The following LRPPRC variants were observed in gnomAD, a reference collection of about 807,000 sequenced individuals.
The protein encoded by LRPPRC is leucine-rich PPR motif-containing protein, mitochondrial.
LRPPRC carries 120 observed loss-of-function variants against 180.3 expected under a neutral mutation model. That is an observed-to-expected ratio of 0.67 (90% CI 0.57 to 0.77). LRPPRC has a LOEUF of 0.77. Among genes scored for constraint, LRPPRC ranks in the 30% least tolerant of loss-of-function variants. LRPPRC has a pLI of 0.00. For missense variants in LRPPRC, 2,012 were observed against 1,657.2 expected, an observed-to-expected ratio of 1.21 and a Z score of -3.72; for synonymous variants, 723 against 600.0, an observed-to-expected ratio of 1.21 and a Z score of -3.00.
At chr2:43,909,413 G>A (rs1671177814) in intron 30 of LRPPRC, among the ~76,000 whole-genome samples, 1 of 152,082 alleles carries the variant, frequency 6.6e-6, no homozygotes, top group South Asian at 2.1e-4. Flanking sequence ...CAGAAGCAGA[G>A]TATGATGGTA....
At chr2:43,983,232 A>G (rs1049102573) in intron 1 of LRPPRC, among the ~76,000 whole-genome samples, 13 of 152,180 alleles carry the variant, frequency 8.5e-5, no homozygotes, top group African/African-American at 2.4e-4. Flanking sequence ...CTATTTTAGT[A>G]ATGGAGTCTA....
At position 43,888,227 on chromosome 2, in the gene LRPPRC, C is replaced by A; in HGVS notation, c.*373G>T. 1 of 266,114 alleles carries A rather than the reference C, an allele frequency of 3.8e-6. No individual in the cohort carries two copies. Among genetic ancestry groups the A allele is most frequent in the Non-Finnish European group, 7.3e-6 (1 of 137,330 alleles). The allele number at this position is 266,114 out of a possible 1,614,324, so 16.5% of individuals were successfully genotyped here. A position where few individuals can be genotyped will look rare whatever the true frequency, so the allele number is the denominator to read the frequency against. Reference sequence around the variant, plus strand: ...GTTAGAAAGTTCACGGTCACTATACCTAGCTCTAAAATTTTTCAGAGAAAC... The same window carrying A: ...GTTAGAAAGTTCACGGTCACTATACATAGCTCTAAAATTTTTCAGAGAAAC... On this transcript the variant is annotated 3_prime_UTR_variant, in exon 38 of 38. Transcript: ENST00000260665.
chr2:43,983,042 CA>C (rs1674381180), intron 1 of LRPPRC, among the ~76,000 whole-genome samples: 1 of 151,752 alleles, frequency 6.6e-6, no homozygotes, highest in Non-Finnish European at 1.5e-5. Context: ...GTGCAACTGT[CA>C]AAATGTTAGC....
intron 29 of LRPPRC, among the ~76,000 whole-genome samples, chr2:43,915,886 C>T (rs1671450125): frequency 6.6e-6 from 1 of 152,144 alleles, no homozygotes; most frequent in South Asian, 2.1e-4. Flanking sequence ...TCACCTCAAC[C>T]TCCTGAGTAG....
chr2:43,989,760 T>C (rs1021121474), intron 1 of LRPPRC, among the ~76,000 whole-genome samples: 4 of 152,190 alleles, frequency 2.6e-5, no homozygotes, highest in Admixed American at 6.5e-5. Flanking sequence ...TGTTGCAACA[T>C]ATGTAAAACA....
chr2:43,901,502 T>C lies in LRPPRC; in HGVS notation c.3387A>G (p.Thr1129=), dbSNP rs1670885163. ...YLKEAVTTLK[T]VLDQQQTPSR... ...AAGGGGTCTGCTGCTGATCCAATAC[T>C]GTTTTCAGTGTTGTCACAGCCTCTA... Residue 1129 remains threonine, a synonymous_variant, in exon 32 of 38, where the codon ACA becomes ACG. Transcript: ENST00000260665. The C allele has an allele frequency of 6.2e-7, 1 of 1,613,396 alleles. No individual in the cohort carries two copies. The highest frequency in any genetic ancestry group is 8.5e-7 in the Non-Finnish European group (1 of 1,179,270).
At chr2:43,938,493 T>G (rs1672353851) in intron 23 of LRPPRC, among the ~76,000 whole-genome samples, 1 of 152,206 alleles carries the variant, frequency 6.6e-6, no homozygotes, top group Non-Finnish European at 1.5e-5. Flanking sequence ...TTGGCCTGCA[T>G]CAAAATTCAT....
intron 30 of LRPPRC, among the ~76,000 whole-genome samples, chr2:43,909,499 A>T (rs1671181281): frequency 6.6e-6 from 1 of 152,172 alleles, no homozygotes; most frequent in African/African-American, 2.4e-5. Flanking sequence ...GAACATAAGT[A>T]AGTTCTGGAG....
At chr2:43,958,791 A>G (rs1365003743) in intron 13 of LRPPRC, among the ~76,000 whole-genome samples, 1 of 152,180 alleles carries the variant, frequency 6.6e-6, no homozygotes. Context: ...CATTCCTAAG[A>G]GCTGCCTGAA....
chr2:43,918,107 G>A lies in LRPPRC; in HGVS notation c.3066C>T (p.Ser1022=), dbSNP rs1284574308. ...TGGTTGAGGCTGACGAAGAATTCAGGGAATGTTTTTCATCTTCATACCACA... is the reference window on the plus strand; with the variant it reads ...TGGTTGAGGCTGACGAAGAATTCAGAGAATGTTTTTCATCTTCATACCACA... The part of the protein sequence containing the change: ...PELWYEDEKH[S]LNSSSASTTE... The change falls in exon 29 of 38, where the codon TCC becomes TCT. Residue 1022 remains serine (S), a synonymous_variant. Transcript: ENST00000260665. 1 of 1,613,496 alleles carries A rather than the reference G, an allele frequency of 6.2e-7. No individual in the cohort carries two copies. Among genetic ancestry groups the A allele is most frequent in the Non-Finnish European group, 8.5e-7 (1 of 1,179,820 alleles).
At chr2:43,982,571 C>A in intron 1 of LRPPRC, 137 bp from the exon 2 acceptor site, 1 of 669,478 alleles carries the variant, frequency 1.5e-6, no homozygotes, top group South Asian at 1.9e-5. Context: ...GAGGTATGAA[C>A]TAATGGGAAA....
At chr2:43,968,934 G>A (rs1673677412) in intron 11 of LRPPRC, among the ~76,000 whole-genome samples, 1 of 152,068 alleles carries the variant, frequency 6.6e-6, no homozygotes, top group African/African-American at 2.4e-5. Context: ...AAGGTTTATG[G>A]TTGTTAATTA....
intron 35 of LRPPRC, among the ~76,000 whole-genome samples, chr2:43,896,052 G>A (rs1670667794): frequency 6.6e-6 from 1 of 151,834 alleles, no homozygotes; most frequent in Non-Finnish European, 1.5e-5. Flanking sequence ...AAGCCAAGTG[G>A]CTCATTTACC....
intron 1 of LRPPRC, among the ~76,000 whole-genome samples, chr2:43,986,491 G>C (rs1201666520): frequency 6.6e-6 from 1 of 152,130 alleles, no homozygotes; most frequent in Non-Finnish European, 1.5e-5. Context: ...TTATGAATCA[G>C]TTTAGTGTCA....
In LRPPRC at chr2:43,912,874, G is replaced by C. The variant is rs113245402; in HGVS notation, c.3149-316C>G. 4.1e-4 allele frequency among the ~76,000 whole-genome samples: 63 copies of C among 152,218 alleles called. 1 individual carries two copies. Among genetic ancestry groups the C allele is most frequent in the African/African-American group, 1.4e-3 (60 of 41,560 alleles). ...AATAAAAATGAGAAACAGCTCTTCTGAATTTATGAAAAGACGATACTAGTT... is the reference window on the plus strand; with the variant it reads ...AATAAAAATGAGAAACAGCTCTTCTCAATTTATGAAAAGACGATACTAGTT... On this transcript the variant is annotated intron_variant, in intron 29 of 37. Coordinates refer to ENST00000260665, the MANE Select transcript of LRPPRC (RefSeq NM_133259.4).
intron 36 of LRPPRC, 86 bp from the exon 37 acceptor site, chr2:43,889,962 G>A: frequency 1.1e-6 from 1 of 950,224 alleles, no homozygotes. Flanking sequence ...AGGGACGGCT[G>A]GATCCCTTTA....
chr2:43,904,823 A>G (rs1671015987), intron 31 of LRPPRC: 1 of 152,128 alleles, frequency 6.6e-6, no homozygotes, highest in Admixed American at 6.5e-5. Flanking sequence ...GAGCTTTTTC[A>G]ACCTTTCTTG....
At chr2:43,932,049 C>G (rs1026934955) in intron 25 of LRPPRC, among the ~76,000 whole-genome samples, 4 of 140,036 alleles carry the variant, frequency 2.9e-5, no homozygotes, top group African/African-American at 1.1e-4. Flanking sequence ...ATTGCTTGTG[C>G]CCAGGAGATC....
chr2:43,991,079 G>A (rs554270015), intron 1 of LRPPRC, among the ~76,000 whole-genome samples: 2 of 151,172 alleles, frequency 1.3e-5, no homozygotes, highest in Non-Finnish European at 2.9e-5. Flanking sequence ...ACTGAGGCTG[G>A]AGTGCAGTGG....
Sources: gnomAD v4.1 joint callset for allele counts (sites outside exome capture counted in the v4.1 genomes callset) on GRCh38, gnomAD v4.1.1 for gene constraint, MANE v1.5 for transcripts, NCBI Gene and HGNC (gene_info 2026-07-23, HGNC 2026-07-21) for gene names.